Variants in APOL3 observed in about 807,000 individuals in gnomAD.
The protein encoded by APOL3 is apolipoprotein L3, also known as TNF-inducible protein CG12-1.
APOL3 carries 14 observed loss-of-function variants against 11.6 expected under a neutral mutation model. The observed-to-expected ratio is 1.21, with a 90% CI of 0.80 to 1.89. APOL3 has a LOEUF of 1.89. Among genes scored for constraint, APOL3 ranks in the 40% most tolerant of loss-of-function variants. The pLI, the probability that APOL3 is intolerant of heterozygous loss-of-function variation, is 0.00. For synonymous variants in APOL3, 192 were observed against 190.6 expected (o/e 1.01, Z -0.06); for missense variants, 483 against 492.1 (o/e 0.98, Z 0.17).
chr22:36,162,956 G>A (rs1286670152), upstream of APOL3, among the ~76,000 whole-genome samples: 2 of 152,234 alleles, frequency 1.3e-5, no homozygotes, highest in Non-Finnish European at 2.9e-5. Flanking sequence ...TTGGCTAAGA[G>A]AAGTTGCAAT....
upstream of APOL3, among the ~76,000 whole-genome samples, chr22:36,163,699 G>A (rs1220952793): frequency 6.6e-6 from 1 of 152,178 alleles, no homozygotes; most frequent in Non-Finnish European, 1.5e-5. Context: ...AAAGAGCAGG[G>A]GACACTCTCT....
Position 36,154,309 on chromosome 22 carries a change from T to C in APOL3, c.223+6360A>G, listed in dbSNP as rs2012364411. On this transcript the variant is annotated intron_variant, in intron 1 of 2. Coordinates refer to ENST00000349314, the Ensembl canonical transcript of APOL3. ...ACCGCTTATATTCAACAGTAATAAT[T>C]GATTGTGATTATTATGATCATGTTT... 1.8e-5 allele frequency: 4 copies of C among 222,634 alleles called. No individual in the cohort carries two copies. In the South Asian group the frequency reaches 2.3e-4, roughly 13 times the overall value. The allele number at this position is 222,634 out of a possible 1,614,324, so 13.8% of individuals were successfully genotyped here.
chr22:36,144,667 G>T (rs2060119913), intron 2 of APOL3, among the ~76,000 whole-genome samples: 1 of 152,172 alleles, frequency 6.6e-6, no homozygotes, highest in Non-Finnish European at 1.5e-5. Flanking sequence ...ATCAGGTCAA[G>T]ATTTTTCTGG....
chr22:36,149,176 T>C (rs1402209302), intron 1 of APOL3, 34 bp from the exon 2 acceptor site: 2 of 1,345,974 alleles, frequency 1.5e-6, no homozygotes, highest in Non-Finnish European at 2.0e-6. Context: ...TGGGACTGAA[T>C]GTGAGCCACC....
At chr22:36,150,192 A>G (rs2060381548) in intron 1 of APOL3, among the ~76,000 whole-genome samples, 1 of 152,208 alleles carries the variant, frequency 6.6e-6, no homozygotes, top group African/African-American at 2.4e-5. Context: ...ATGAGAAAAA[A>G]GAAAGCAAAT....
intron 1 of APOL3, chr22:36,153,485 C>T (rs1242014916): frequency 1.1e-5 from 5 of 448,844 alleles, no homozygotes; most frequent in Middle Eastern, 3.3e-4. Flanking sequence ...ACAGCATAAT[C>T]AGAGTGAACT....
chr22:36,150,182 A>T (rs1198526036), intron 1 of APOL3, among the ~76,000 whole-genome samples: 1 of 152,176 alleles, frequency 6.6e-6, no homozygotes, highest in Non-Finnish European at 1.5e-5. Context: ...GCCTTGGGAA[A>T]TGAGAAAAAA....
exon 1 of APOL3, chr22:36,165,934 A>C (rs976743165): frequency 1.3e-5 from 2 of 152,250 alleles, no homozygotes; most frequent in African/African-American, 4.8e-5. Context: ...GCTGACAGTG[A>C]AACAGCCCCT....
intron 1 of APOL3, among the ~76,000 whole-genome samples, chr22:36,158,838 G>A (rs899453000): frequency 2.6e-5 from 4 of 151,974 alleles, no homozygotes; most frequent in East Asian, 1.9e-4. Flanking sequence ...TAATGAATGC[G>A]ATGCCTCCCT....
exon 3 of APOL3, chr22:36,140,372 C>G (rs1406561188): frequency 6.6e-6 from 1 of 152,246 alleles, no homozygotes; most frequent in Non-Finnish European, 1.5e-5. Context: ...ACAGGGCACT[C>G]AGCAGGATGG....
At chr22:36,160,737 A>T (rs757692225) in exon 1 of APOL3, 1 of 1,614,110 alleles carries the variant, frequency 6.2e-7, no homozygotes, top group East Asian at 2.2e-5. Context: ...TCCCACCTCC[A>T]GCCGTGCATC....
At chr22:36,140,978 C>T in exon 3 of APOL3, 1 of 611,572 alleles carries the variant, frequency 1.6e-6, no homozygotes, top group Non-Finnish European at 2.8e-6. Context: ...CCAGTCCCCT[C>T]TCCTCCCTTA....
chr22:36,155,556 A>G (rs185809231), intron 1 of APOL3, among the ~76,000 whole-genome samples: 1 of 152,076 alleles, frequency 6.6e-6, no homozygotes. Flanking sequence ...TTCTTGCTGT[A>G]AGGGATAAGG....
At chr22:36,143,197 G>T (rs2060066401) in intron 2 of APOL3, among the ~76,000 whole-genome samples, 3 of 152,192 alleles carry the variant, frequency 2.0e-5, no homozygotes. Context: ...CCTTAACTGG[G>T]TGAGCTTCTC....
exon 3 of APOL3, chr22:36,141,854 G>A: frequency 1.2e-6 from 2 of 1,614,212 alleles, no homozygotes; most frequent in Non-Finnish European, 1.7e-6. Flanking sequence ...CATTGGAGAT[G>A]GTGCAGCCTC....
In APOL3 at chr22:36,158,966, C is replaced by CGTGT. The variant is rs35041494; in HGVS notation, c.223+1699_223+1702dup. ...AATCTGAATAGCAGGTGTGAGTGTGCGTGTGTGTGTGTGTGTGTGTGTGTG... is the reference window on the plus strand; with the variant it reads ...AATCTGAATAGCAGGTGTGAGTGTGCGTGTGTGTGTGTGTGTGTGTGTGTGTGTG... On this transcript the variant is annotated intron_variant, in intron 1 of 2. Coordinates refer to ENST00000349314, the Ensembl canonical transcript of APOL3. 6.0e-3 allele frequency among the ~76,000 whole-genome samples: 895 copies of CGTGT among 150,154 alleles called. 12 individuals are homozygous for CGTGT. The highest frequency in any genetic ancestry group is 0.021 in the African/African-American group (853 of 40,894).
At chr22:36,154,669 A>C (rs1193596687) in intron 1 of APOL3, 1 of 470,558 alleles carries the variant, frequency 2.1e-6, no homozygotes, top group South Asian at 1.6e-5. Context: ...AACCACACAC[A>C]GGGTGACTCT....
upstream of APOL3, among the ~76,000 whole-genome samples, chr22:36,163,204 C>T (rs1021144921): frequency 2.0e-5 from 3 of 152,216 alleles, no homozygotes; most frequent in African/African-American, 4.8e-5. Context: ...AGGAATCACC[C>T]TCAACTCCCT....
intron 1 of APOL3, among the ~76,000 whole-genome samples, chr22:36,147,985 T>C (rs1240638629): frequency 6.6e-6 from 1 of 152,206 alleles, no homozygotes; most frequent in Non-Finnish European, 1.5e-5. Context: ...GGTACACGAC[T>C]AGGAATTTTC....
Sources: allele counts gnomAD v4.1 joint callset (sites outside exome capture counted in the v4.1 genomes callset), GRCh38; gene constraint gnomAD v4.1.1; transcripts MANE v1.5; gene names NCBI Gene and HGNC (gene_info 2026-07-23, HGNC 2026-07-21).